EPG5: variants seen among roughly 807,000 people sequenced by gnomAD.
EPG5 encodes the protein ectopic P-granules 5 autophagy tethering factor, also known as ectopic P granules protein 5 homolog.
In EPG5, 159 loss-of-function variants were observed where a neutral mutation model predicts 302.7. The ratio of observed to expected loss-of-function variants is 0.53; its 90% CI spans 0.46 to 0.60. The LOEUF is 0.60. EPG5 is among the 20% of genes least tolerant of loss of function. The pLI, the probability that EPG5 is intolerant of heterozygous loss-of-function variation, is 0.00. For synonymous variants in EPG5, 1,158 were observed against 1,136.8 expected (o/e 1.02, Z -0.37); for missense variants, 2,896 against 3,092.4 (o/e 0.94, Z 1.51).
intron 43 of EPG5, among the ~76,000 whole-genome samples, chr18:45,854,681 G>A (rs574405406): frequency 2.6e-5 from 4 of 152,202 alleles, no homozygotes; most frequent in African/African-American, 9.6e-5. Flanking sequence ...GCAACAAAGC[G>A]AGACCCAGTC....
the EPG5 span, among the ~76,000 whole-genome samples, chr18:45,818,252 TTTTA>T: frequency 1.8e-5 from 2 of 110,488 alleles, no homozygotes; most frequent in Non-Finnish European, 3.8e-5. Context: ...GTAAGGAAGA[TTTTA>T]TTTTTTTTTT....
chr18:45,934,747 C>G, intron 11 of EPG5, 62 bp downstream of exon 11: 9 of 1,523,698 alleles, frequency 5.9e-6, no homozygotes, highest in Non-Finnish European at 7.9e-6. Context: ...AAAAATTAAG[C>G]CCTGAAGAGA....
chr18:45,926,551 G>C (rs1040364522), intron 13 of EPG5, among the ~76,000 whole-genome samples: 2 of 152,094 alleles, frequency 1.3e-5, no homozygotes, highest in African/African-American at 4.8e-5. Context: ...TCTGGGCCAG[G>C]CATGATGGCT....
At chr18:45,926,383 T>C (rs1599586823) in intron 13 of EPG5, among the ~76,000 whole-genome samples, 1 of 152,304 alleles carries the variant, frequency 6.6e-6, no homozygotes, top group South Asian at 2.1e-4. Context: ...TTGATAGCTA[T>C]TGTTAAAACT....
chr18:45,837,899 G>A, the EPG5 span: 1 of 1,501,768 alleles, frequency 6.7e-7, no homozygotes, highest in Non-Finnish European at 8.8e-7. Flanking sequence ...CGTGACAGGC[G>A]AGGCGGCGTG....
At position 45,860,247 on chromosome 18, in the gene EPG5, C is replaced by G; in HGVS notation, c.6866G>C (p.Arg2289Pro). ...NATIPTAEFL[R>P]GSIRTWIGQK... ...GCCAATCCAGGTCCGGATACTGCCC[C>G]GAAGGAACTCTGCTGTTGGAATAGT... is the stretch of plus-strand genomic sequence containing the variant. The change falls in exon 40 of 44, where the codon CGG becomes CCG. Residue 2289 changes from arginine (R) to proline (P), a missense_variant. Physicochemically the swap from Arg to Pro is moderately radical, Grantham distance 103 (BLOSUM62 -2). This residue lies in a region of EPG5 where 620 missense variants were observed against 704.2 expected (regional missense o/e 0.88). Transcript: ENST00000282041. 1 of 1,614,216 alleles carries G rather than the reference C, an allele frequency of 6.2e-7. No individual in the cohort carries two copies. The highest frequency in any genetic ancestry group is 8.5e-7 in the Non-Finnish European group (1 of 1,180,042).
intron 36 of EPG5, 180 bp from the exon 37 acceptor site, chr18:45,867,928 T>A (rs2048782020): frequency 7.3e-6 from 5 of 687,720 alleles, no homozygotes; most frequent in Non-Finnish European, 1.3e-5. Context: ...CCTTCCACAG[T>A]GTATGTGTGT....
intron 14 of EPG5, 69 bp downstream of exon 14, chr18:45,925,669 G>A: frequency 8.0e-7 from 1 of 1,257,350 alleles, no homozygotes; most frequent in Non-Finnish European, 1.0e-6. Flanking sequence ...TTAGTGTTTT[G>A]ACAAAATCCT....
intron 16 of EPG5, 33 bp from the exon 17 acceptor site, chr18:45,917,852 A>T: frequency 6.2e-7 from 1 of 1,611,230 alleles, no homozygotes; most frequent in Non-Finnish European, 8.5e-7. Flanking sequence ...TGAATACACA[A>T]GGGAGCTGGT....
intron 43 of EPG5, among the ~76,000 whole-genome samples, chr18:45,855,010 G>T (rs919966891): frequency 6.6e-6 from 1 of 152,150 alleles, no homozygotes; most frequent in Non-Finnish European, 1.5e-5. Flanking sequence ...TTTTTACTGT[G>T]CACCTTTGTA....
At chr18:45,913,372 G>A (rs961616624) in intron 21 of EPG5, among the ~76,000 whole-genome samples, 37 of 152,036 alleles carry the variant, frequency 2.4e-4, no homozygotes, top group African/African-American at 1.2e-4. Context: ...TGTCCCACTC[G>A]AGACTCAGAG....
chr18:45,921,703 A>T (rs906392869), intron 16 of EPG5, among the ~76,000 whole-genome samples: 5 of 152,082 alleles, frequency 3.3e-5, no homozygotes, highest in Non-Finnish European at 4.4e-5. Flanking sequence ...AGTTAAGGGG[A>T]CCTCTAGTTA....
rs1032445696 is a variant in EPG5 at position 45,967,070 on chromosome 18, G to A, written c.63+107C>T. 7.3e-6 allele frequency: 8 copies of A among 1,090,402 alleles called. No individual in the cohort carries two copies. The African/African-American group carries it at 1.1e-4, about 15-fold the overall frequency. The allele number at this position is 1,090,402 out of a possible 1,614,324, so 67.5% of individuals were successfully genotyped here. A position where few individuals can be genotyped will look rare whatever the true frequency, so the allele number is the denominator to read the frequency against. On this transcript the variant is annotated intron_variant, in intron 1 of 43. Transcript: ENST00000282041. ...ATATTGGAAGGTGGAGGCGGAAGATGCAGAGGGCTCAGGGAACGGGAGTAG... is the reference window on the plus strand; with the variant it reads ...ATATTGGAAGGTGGAGGCGGAAGATACAGAGGGCTCAGGGAACGGGAGTAG...
Position 45,858,733 on chromosome 18 carries a change from C to T in EPG5, c.7059G>A (p.Gln2353=), listed in dbSNP as rs368846817. 376 of 1,614,058 alleles carry T rather than the reference C, an allele frequency of 2.3e-4. No homozygotes were observed. The highest frequency in any genetic ancestry group is 2.9e-4 in the Non-Finnish European group (339 of 1,180,046). The stretch of plus-strand genomic sequence containing the variant: ...ACTCTTCCATGGTGAGCTCGGGAAC[C>T]TGAAGGGATACCAGAATGGGTCCCC... The part of the protein sequence containing the change: ...SGWGPILVSL[Q]VPELTMEEFL... Residue 2353 remains glutamine, a synonymous_variant, in exon 41 of 44, where the codon CAG becomes CAA. Transcript: ENST00000282041.
chr18:45,947,344 C>G (rs900205452), intron 6 of EPG5, among the ~76,000 whole-genome samples: 1 of 151,882 alleles, frequency 6.6e-6, no homozygotes, highest in South Asian at 2.1e-4. Flanking sequence ...ACCCAGGAGG[C>G]AGAGGTTGCA....
At chr18:45,939,123 T>C (rs1309372858) in intron 10 of EPG5, among the ~76,000 whole-genome samples, 1 of 152,158 alleles carries the variant, frequency 6.6e-6, no homozygotes, top group African/African-American at 2.4e-5. Context: ...GTCAGCATGA[T>C]CCAAAGACAG....
Position 45,882,313 on chromosome 18 carries a change from G to A in EPG5, c.5479C>T (p.Pro1827Ser). The change falls in exon 31 of 44, where the codon CCT (proline) becomes TCT (serine). Residue 1827 changes from proline to serine, a missense_variant. Pro to Ser is a moderately conservative substitution (Grantham distance 74, BLOSUM62 -1). Around this residue, in one of 5 missense-constraint regions of EPG5, gnomAD observed 790 missense variants for 798.0 expected, o/e 0.99. Coordinates refer to ENST00000282041, the MANE Select transcript of EPG5 (RefSeq NM_020964.3). ...CTGAGAATGTCACTGTACTGGTCAG[G>A]AAACTGGTAGAGAAGAAGATAAGTC... ...HWTYLLLYQF[P>S]DQYSDILRLL... 6.2e-7 allele frequency: 1 copy of A among 1,614,146 alleles called. No homozygotes were observed. The highest frequency in any genetic ancestry group is 8.5e-7 in the Non-Finnish European group (1 of 1,180,016).
intron 16 of EPG5, among the ~76,000 whole-genome samples, chr18:45,921,256 C>G (rs1599575922): frequency 6.6e-6 from 1 of 152,192 alleles, no homozygotes; most frequent in Non-Finnish European, 1.5e-5. Context: ...ACTGGTATCC[C>G]ACTGAAATTA....
the EPG5 span, among the ~76,000 whole-genome samples, chr18:45,810,513 G>A: frequency 2.3e-4 from 35 of 151,982 alleles, no homozygotes; most frequent in South Asian, 4.2e-4. Flanking sequence ...AAGATAATCC[G>A]GCCGGGCTCA....
Sources: allele counts gnomAD v4.1 joint callset (sites outside exome capture counted in the v4.1 genomes callset), GRCh38; gene constraint gnomAD v4.1.1; regional missense constraint gnomAD v4.1.1; transcripts MANE v1.5; gene names NCBI Gene and HGNC (gene_info 2026-07-23, HGNC 2026-07-21).